The following ERP27 variants were observed in gnomAD, a reference collection of about 807,000 sequenced individuals.
ERP27 encodes endoplasmic reticulum resident protein 27.
Under a neutral mutation model 27.7 loss-of-function variants are expected in ERP27, and 23 were observed. The ratio of observed to expected loss-of-function variants is 0.83; its 90% confidence interval spans 0.60 to 1.18. The LOEUF (loss-of-function observed/expected upper bound fraction) is 1.18. Among genes scored for constraint, ERP27 ranks in the 50% most tolerant of loss-of-function variants. The probability of loss-of-function intolerance (pLI) is 0.00; values close to 1 mark genes in which losing one functional copy is unlikely to be tolerated. For missense variants in ERP27, 363 were observed against 327.9 expected, an observed-to-expected ratio of 1.11 and a Z score of -0.83; for synonymous variants, 159 against 118.3, an observed-to-expected ratio of 1.34 and a Z score of -2.23.
intron 3 of ERP27, among the ~76,000 whole-genome samples, chr12:14,933,754 A>G (rs1208490498): frequency 6.6e-6 from 1 of 152,208 alleles, no homozygotes; most frequent in Non-Finnish European, 1.5e-5. Flanking sequence ...CACTATTCTT[A>G]GACACCCTGG....
intron 3 of ERP27, among the ~76,000 whole-genome samples, chr12:14,930,283 CTCTT>C (rs1328130446): frequency 6.6e-6 from 1 of 152,136 alleles, no homozygotes; most frequent in African/African-American, 2.4e-5. Flanking sequence ...TCTTCTGATT[CTCTT>C]TGTCTGGTGA....
intron 3 of ERP27, among the ~76,000 whole-genome samples, chr12:14,932,270 G>A (rs1330939249): frequency 6.6e-6 from 1 of 152,168 alleles, no homozygotes; most frequent in Non-Finnish European, 1.5e-5. Flanking sequence ...ATAGAGATAA[G>A]GAGTTACATA....
At chr12:14,925,298 T>C (rs1863583639) in intron 3 of ERP27, among the ~76,000 whole-genome samples, 1 of 152,166 alleles carries the variant, frequency 6.6e-6, no homozygotes, top group Admixed American at 6.5e-5. Flanking sequence ...AGGCTAACTT[T>C]GGGTAAGTGA....
chr12:14,937,883 G>A (rs1008622123), intron 2 of ERP27, 69 bp downstream of exon 2: 21 of 1,292,886 alleles, frequency 1.6e-5, no homozygotes, highest in Non-Finnish European at 2.2e-5. Context: ...CCAGCAGCAG[G>A]TGGCTGCTGT....
At chr12:14,937,872 G>T in intron 2 of ERP27, 80 bp downstream of exon 2, 2 of 1,181,078 alleles carry the variant, frequency 1.7e-6, no homozygotes, top group South Asian at 1.3e-5. Context: ...AGTGCCATCT[G>T]CCAGCAGCAG....
intron 3 of ERP27, among the ~76,000 whole-genome samples, chr12:14,928,492 C>G (rs1296456735): frequency 6.6e-6 from 1 of 152,152 alleles, no homozygotes; most frequent in East Asian, 1.9e-4. Context: ...CATTCTCTTC[C>G]AATCCATTTG....
chr12:14,917,597 T>C (rs1203578900), intron 4 of ERP27, among the ~76,000 whole-genome samples: 3 of 152,232 alleles, frequency 2.0e-5, no homozygotes, highest in Non-Finnish European at 2.9e-5. Context: ...TGGTTTCTGC[T>C]CTTCTCTCTA....
chr12:14,930,626 C>CTTA (rs35050423), intron 3 of ERP27, among the ~76,000 whole-genome samples: 59,720 of 151,874 alleles, frequency 0.39, 12,365 homozygotes, highest in African/African-American at 0.5. Context: ...TTATATGCAA[C>CTTA]TTATGGTTTC....
chr12:14,918,601 A>T (rs1413348481), intron 4 of ERP27, among the ~76,000 whole-genome samples: 2 of 152,226 alleles, frequency 1.3e-5, no homozygotes, highest in African/African-American at 2.4e-5. Context: ...CTACAAAACT[A>T]GTGTGTACAC....
Position 14,918,016 on chromosome 12 carries a change from AC to A in ERP27, c.451-714del, listed in dbSNP as rs531368596. On this transcript the variant is annotated intron_variant, in intron 4 of 6. Transcript: ENST00000266397. ...TCTTGTTGCAAGACTAGTCAGAGAC[AC>A]TTAAAATGTAGTCTTTGTTTGAGTA... Among the ~76,000 whole-genome samples the A allele has an allele frequency of 3.9e-3, 597 of 152,366 alleles. 5 individuals are homozygous for A. Among genetic ancestry groups the A allele is most frequent in the African/African-American group, 0.013 (542 of 41,586 alleles).
At chr12:14,924,482 T>A (rs1326607079) in intron 3 of ERP27, among the ~76,000 whole-genome samples, 1 of 152,226 alleles carries the variant, frequency 6.6e-6, no homozygotes, top group Non-Finnish European at 1.5e-5. Context: ...CTATACTAAT[T>A]TACATACCCA....
chr12:14,931,266 A>G (rs2120610711), intron 3 of ERP27, among the ~76,000 whole-genome samples: 1 of 152,216 alleles, frequency 6.6e-6, no homozygotes, highest in East Asian at 1.9e-4. Context: ...GGCTCTGAAA[A>G]CAAACAAGCA....
At chr12:14,916,351 C>G (rs1471310937) in intron 5 of ERP27, among the ~76,000 whole-genome samples, 1 of 152,098 alleles carries the variant, frequency 6.6e-6, no homozygotes, top group Non-Finnish European at 1.5e-5. Context: ...CTGGTACTCT[C>G]TAGTTACGTG....
chr12:14,928,974 T>C (rs1011051081), intron 3 of ERP27: 3 of 1,535,252 alleles, frequency 2.0e-6, no homozygotes, highest in Non-Finnish European at 2.6e-6. Context: ...GTCTCCTTCA[T>C]ACTTAAGGCT....
chr12:14,927,503 TGTA>T (rs902508279), intron 3 of ERP27, among the ~76,000 whole-genome samples: 2 of 24,396 alleles, frequency 8.2e-5, no homozygotes, highest in African/African-American at 2.2e-4. Context: ...TGAAAGGTGT[TGTA>T]CTAGATTCAC....
At chr12:14,926,256 C>G (rs568483467) in intron 3 of ERP27, among the ~76,000 whole-genome samples, 2 of 152,120 alleles carry the variant, frequency 1.3e-5, no homozygotes, top group African/African-American at 2.4e-5. Context: ...CTCTAGGAAT[C>G]CTTGTTGCCT....
chr12:14,917,446 C>T, intron 4 of ERP27, 143 bp from the exon 5 acceptor site: 1 of 1,141,696 alleles, frequency 8.8e-7, no homozygotes, highest in Non-Finnish European at 1.3e-6. Context: ...AGATGGCTCT[C>T]AGTTAAGTCT....
In ERP27 at chr12:14,914,614, G is replaced by T; in HGVS notation, c.*121C>A. 1 of 783,406 alleles carries T rather than the reference G, an allele frequency of 1.3e-6. No individual in the cohort carries two copies. Among genetic ancestry groups the T allele is most frequent in the Non-Finnish European group, 2.1e-6 (1 of 472,922 alleles). 48.5% of individuals were successfully genotyped at this position (783,406 alleles called of 1,614,324 possible). A position where few individuals can be genotyped will look rare whatever the true frequency, so the allele number is the denominator to read the frequency against. On this transcript the variant is annotated 3_prime_UTR_variant, in exon 7 of 7. Transcript: ENST00000266397. ...TGCACGCGTGCGTGCGTGTGTGCAC[G>T]TGCGTGTGTGTGTGGTTGGCAGGCC...
chr12:14,924,958 C>T (rs1863576471), intron 3 of ERP27, among the ~76,000 whole-genome samples: 1 of 152,212 alleles, frequency 6.6e-6, no homozygotes, highest in South Asian at 2.1e-4. Flanking sequence ...TGACAGTTTA[C>T]AACTGCCATG....
Sources: gnomAD v4.1 joint callset for allele counts (sites outside exome capture counted in the v4.1 genomes callset) on GRCh38, gnomAD v4.1.1 for gene constraint, MANE v1.5 for transcripts, NCBI Gene and HGNC (gene_info 2026-07-23, HGNC 2026-07-21) for gene names.